TPCN1: variants seen among roughly 807,000 people sequenced by gnomAD.
TPCN1 encodes two pore channel protein 1.
TPCN1 carries 52 observed loss-of-function variants against 108.8 expected under a neutral mutation model. The ratio of observed to expected loss-of-function variants is 0.48; its 90% CI spans 0.38 to 0.60. The LOEUF (loss-of-function observed/expected upper bound fraction) is 0.60. Among genes scored for constraint, TPCN1 ranks in the 20% least tolerant of loss-of-function variants. The pLI, the probability that TPCN1 is intolerant of heterozygous loss-of-function variation, is 0.00. For synonymous variants in TPCN1, 446 were observed against 433.7 expected (o/e 1.03, Z -0.35); for missense variants, 806 against 1,072.8 (o/e 0.75, Z 3.47).
chr12:113,276,032 T>C (rs1955662260), intron 10 of TPCN1, among the ~76,000 whole-genome samples: 1 of 152,236 alleles, frequency 6.6e-6, no homozygotes, highest in Non-Finnish European at 1.5e-5. Context: ...TGGCCTGTGT[T>C]TGTAAATAAA....
At chr12:113,251,851 A>T (rs1401153986) in intron 2 of TPCN1, among the ~76,000 whole-genome samples, 1 of 152,194 alleles carries the variant, frequency 6.6e-6, no homozygotes, top group East Asian at 1.9e-4. Flanking sequence ...TACCCGATTG[A>T]TTCATCCTGC....
intron 15 of TPCN1, 141 bp downstream of exon 15, chr12:113,280,336 A>G (rs2136693487): frequency 3.2e-6 from 2 of 626,926 alleles, no homozygotes; most frequent in Non-Finnish European, 5.6e-6. Context: ...TATAAAAGTG[A>G]AGAGAACATT....
chr12:113,243,010 T>C (rs1325551294), intron 2 of TPCN1, among the ~76,000 whole-genome samples: 4 of 152,238 alleles, frequency 2.6e-5, no homozygotes, highest in African/African-American at 9.6e-5. Flanking sequence ...TGGTATACAG[T>C]AAGTGCTGAA....
In TPCN1 at chr12:113,288,053, C is replaced by T; in HGVS notation, c.1635-110C>T. ...AGTGGACGCAGGTGGAGGAGAGGCC[C>T]TCACCTGTCTTCACCGCATGGCGTG... is the stretch of plus-strand genomic sequence containing the variant. On this transcript the variant is annotated intron_variant, in intron 19 of 27. Coordinates refer to ENST00000335509, the MANE Select transcript of TPCN1 (RefSeq NM_017901.6). The surrounding 1 kb of genome is among the most constrained non-coding windows in gnomAD (Gnocchi z 4.8). The T allele has an allele frequency of 9.2e-7, 1 of 1,090,852 alleles. No individual in the cohort carries two copies. The highest frequency in any genetic ancestry group is 3.0e-4 in the Middle Eastern group (1 of 3,308). The allele number at this position is 1,090,852 out of a possible 1,614,324, so 67.6% of individuals were successfully genotyped here.
chr12:113,252,149 G>T (rs1257129860), intron 2 of TPCN1, among the ~76,000 whole-genome samples: 1 of 152,092 alleles, frequency 6.6e-6, no homozygotes, highest in African/African-American at 2.4e-5. Context: ...TGTCCTTTGT[G>T]GCTTTGAAGG....
At chr12:113,222,938 G>A (rs1953308130) in intron 1 of TPCN1, among the ~76,000 whole-genome samples, 2 of 151,886 alleles carry the variant, frequency 1.3e-5, no homozygotes, top group South Asian at 4.2e-4. Flanking sequence ...TCAAAGCTGA[G>A]TAATGGATAC....
chr12:113,284,582 C>T lies in TPCN1; in HGVS notation c.1344C>T (p.Tyr448=). The change falls in exon 16 of 28, where the codon TAC becomes TAT. Residue 448 remains tyrosine, a splice_region_variant and synonymous_variant. Coordinates refer to ENST00000335509, the MANE Select transcript of TPCN1 (RefSeq NM_017901.6). The surrounding 1 kb of genome is among the most constrained non-coding windows in gnomAD (Gnocchi z 4.1). ...CTTTTACGGGCCTGTGTATTTCAGACTTGGTGGTGGCAGTCAACGGGGTCT... is the reference window on the plus strand; with the variant it reads ...CTTTTACGGGCCTGTGTATTTCAGATTTGGTGGTGGCAGTCAACGGGGTCT... ...VKSKAFQYFM[Y]LVVAVNGVWI... is the part of the protein sequence containing the mutation. The T allele has an allele frequency of 6.2e-7, 1 of 1,614,154 alleles. No individual in the cohort carries two copies. Among genetic ancestry groups the T allele is most frequent in the Non-Finnish European group, 8.5e-7 (1 of 1,180,040 alleles).
chr12:113,266,380 G>C lies in TPCN1; in HGVS notation c.414+24G>C, dbSNP rs200953769. The C allele has an allele frequency of 4.1e-5, 66 of 1,598,656 alleles. No homozygotes were observed. In the South Asian group the frequency reaches 6.8e-4, roughly 17 times the overall value. On this transcript the variant is annotated intron_variant, in intron 4 of 27. Coordinates refer to ENST00000335509, the MANE Select transcript of TPCN1 (RefSeq NM_017901.6). The surrounding 1 kb of genome is among the most constrained non-coding windows in gnomAD (Gnocchi z 4.2). ...ATGTGAGCGCACATGCTCCTCATAC[G>C]GGGGGCTGGGAGCCACGGCTTTCAG... is the stretch of plus-strand genomic sequence containing the variant.
chr12:113,286,268 C>T (rs892066388), intron 18 of TPCN1, among the ~76,000 whole-genome samples: 2 of 152,184 alleles, frequency 1.3e-5, no homozygotes, highest in African/African-American at 2.4e-5. Context: ...AGCCACAATG[C>T]CCACAGAAAA....
At position 113,296,169 on chromosome 12, in the gene TPCN1, C is replaced by A; in HGVS notation, c.*93C>A. Reference sequence around the variant, plus strand: ...ACTGCGGTGTGTGTACACATACTCACGTATATGCACATATTTATATACAGG... The same window carrying A: ...ACTGCGGTGTGTGTACACATACTCAAGTATATGCACATATTTATATACAGG... On this transcript the variant is annotated 3_prime_UTR_variant, in exon 28 of 28. Transcript: ENST00000335509. The A allele has an allele frequency of 6.7e-7, 1 of 1,499,658 alleles. No individual in the cohort carries two copies. The allele number at this position is 1,499,658 out of a possible 1,614,324, so 92.9% of individuals were successfully genotyped here.
rs1956281486 is a variant in TPCN1 at position 113,291,860 on chromosome 12, C to T, written c.2029-14C>T. The stretch of plus-strand genomic sequence containing the variant: ...CTCCCCTGCCTCTGCCCCTCCCTCC[C>T]TATCCCTGGCCAGGTGGTGATGACG... On this transcript the variant is annotated splice_polypyrimidine_tract_variant and intron_variant, in intron 24 of 27. Transcript: ENST00000335509. 3 of 1,612,290 alleles carry T rather than the reference C, an allele frequency of 1.9e-6. No individual in the cohort carries two copies. The highest frequency in any genetic ancestry group is 2.5e-6 in the Non-Finnish European group (3 of 1,178,332).
chr12:113,233,595 G>A (rs950403272), intron 2 of TPCN1, among the ~76,000 whole-genome samples: 7 of 152,236 alleles, frequency 4.6e-5, no homozygotes, highest in Non-Finnish European at 1.5e-5. Flanking sequence ...CCTCTGGTTC[G>A]GACATCCTCT....
chr12:113,291,739 C>G, intron 24 of TPCN1, 62 bp downstream of exon 24: 1 of 1,586,332 alleles, frequency 6.3e-7, no homozygotes, highest in Non-Finnish European at 8.6e-7. Context: ...GCTGCCCCTG[C>G]TCTTCAGCCT....
chr12:113,296,094 G>T lies in TPCN1; in HGVS notation c.*18G>T. On this transcript the variant is annotated 3_prime_UTR_variant, in exon 28 of 28. Transcript: ENST00000335509. ...TTACCTAGCCCAGCGCCCGAAAGCC[G>T]TCTCTTCTATGCAATAACACAATAG... The T allele has an allele frequency of 6.2e-7, 1 of 1,611,758 alleles. No homozygotes were observed. The highest frequency in any genetic ancestry group is 2.2e-5 in the East Asian group (1 of 44,810).
Position 113,226,768 on chromosome 12 carries a change from G to A in TPCN1, c.-85G>A. ...GAGGAGTTTCTGAGCAGCACCCCTG[G>A]CCCAGTGGCTTTGAAAGGGAGCTCA... On this transcript the variant is annotated 5_prime_UTR_variant, in exon 2 of 28. Transcript: ENST00000335509. 1 of 1,595,698 alleles carries A rather than the reference G, an allele frequency of 6.3e-7. No individual in the cohort carries two copies. Among genetic ancestry groups the A allele is most frequent in the Admixed American group, 1.8e-5 (1 of 56,304 alleles).
intron 3 of TPCN1, among the ~76,000 whole-genome samples, chr12:113,260,790 C>T (rs906758609): frequency 5.3e-5 from 8 of 152,244 alleles, no homozygotes; most frequent in Non-Finnish European, 8.8e-5. Flanking sequence ...CACTGAGAGG[C>T]CACGTTCTCA....
chr12:113,246,558 C>T (rs1440877018), intron 2 of TPCN1, among the ~76,000 whole-genome samples: 1 of 152,236 alleles, frequency 6.6e-6, no homozygotes, highest in Non-Finnish European at 1.5e-5. Context: ...CGCTGCTGCT[C>T]ATCTCCCTCC....
Position 113,273,126 on chromosome 12 carries a change from C to T in TPCN1, c.784-106C>T. The stretch of plus-strand genomic sequence containing the variant: ...TCCCTCAGGGATTCCTTGAGAGATG[C>T]AAGAGCGGTCAAGGCAGGGCATGCC... On this transcript the variant is annotated intron_variant, in intron 8 of 27. Transcript: ENST00000335509. The surrounding 1 kb of genome is among the most constrained non-coding windows in gnomAD (Gnocchi z 4.0). 1.0e-6 allele frequency: 1 copy of T among 969,268 alleles called. No homozygotes were observed. The highest frequency in any genetic ancestry group is 1.7e-6 in the Non-Finnish European group (1 of 596,424). 60.0% of individuals were successfully genotyped at this position (969,268 alleles called of 1,614,324 possible). A position where few individuals can be genotyped will look rare whatever the true frequency, so the allele number is the denominator to read the frequency against.
chr12:113,233,936 T>C (rs1175161416), intron 2 of TPCN1, among the ~76,000 whole-genome samples: 5 of 152,116 alleles, frequency 3.3e-5, no homozygotes, highest in African/African-American at 9.7e-5. Flanking sequence ...CTCCGTGAGG[T>C]AGAGCTCTGT....
Sources: gnomAD v4.1 joint callset for allele counts (sites outside exome capture counted in the v4.1 genomes callset) on GRCh38, gnomAD v4.1.1 for gene constraint, Gnocchi (gnomAD v3.1) non-coding constraint, MANE v1.5 for transcripts, NCBI Gene and HGNC (gene_info 2026-07-23, HGNC 2026-07-21) for gene names.